DMKN: variants seen among roughly 807,000 people sequenced by gnomAD.
DMKN encodes the protein dermokine.
DMKN carries 58 observed loss-of-function variants against 67.6 expected under a neutral mutation model. The observed-to-expected ratio is 0.86, with a 90% confidence interval of 0.69 to 1.07. DMKN has a LOEUF of 1.07. DMKN is among the 50% of genes least tolerant of loss of function. DMKN has a pLI of 0.00. For missense variants in DMKN, 596 were observed against 601.5 expected (o/e 0.99, Z 0.10); for synonymous variants, 240 against 232.3 (o/e 1.03, Z -0.30).
intron 8 of DMKN, 41 bp from the exon 9 acceptor site, chr19:35,505,806 T>C (rs1181018462): frequency 1.9e-6 from 3 of 1,613,924 alleles, no homozygotes; most frequent in African/African-American, 2.7e-5. Flanking sequence ...AATTGAGTCA[T>C]AAGGTAATTG....
intron 9 of DMKN, chr19:35,503,201 G>C: frequency 7.0e-7 from 1 of 1,419,448 alleles, no homozygotes; most frequent in Non-Finnish European, 9.3e-7. Context: ...TCCACCTGCC[G>C]GGCCTCCTCC....
At chr19:35,512,876 G>A (rs923561560) in intron 1 of DMKN, 86 bp from the exon 2 acceptor site, 14 of 1,532,292 alleles carry the variant, frequency 9.1e-6, no homozygotes, top group Admixed American at 2.0e-5. Context: ...GAGACCAGGA[G>A]AGAGACAGGC....
At chr19:35,503,002 A>G in intron 9 of DMKN, 116 bp from the exon 10 acceptor site, 1 of 1,228,104 alleles carries the variant, frequency 8.1e-7, no homozygotes, top group Middle Eastern at 2.0e-4. Flanking sequence ...AAGGTTGGGG[A>G]TGGGAGGAGC....
rs2071129977 is a variant in DMKN, at chr19:35,513,567, GTCC to G, written c.-95_-93del. The G allele has an allele frequency of 6.9e-7, 1 of 1,451,826 alleles. No homozygotes were observed. Among genetic ancestry groups the G allele is most frequent in the South Asian group, 1.4e-5 (1 of 71,144 alleles). 89.9% of individuals were successfully genotyped at this position (1,451,826 alleles called of 1,614,324 possible). ...GCTCTGCGTCTCTGTGCCCTCCTCT[GTCC>G]TCCTCCTTCCGACTCCCTGTCCTCC... On this transcript the variant is annotated 5_prime_UTR_variant, in exon 1 of 16. Transcript: ENST00000339686.
chr19:35,509,839 G>C, intron 7 of DMKN, 72 bp downstream of exon 7: 1 of 1,567,630 alleles, frequency 6.4e-7, no homozygotes. Context: ...GCAGAGTTGA[G>C]TTAGGAGGAG....
chr19:35,506,553 T>C (rs1265555769), intron 7 of DMKN: 4 of 482,684 alleles, frequency 8.3e-6, no homozygotes, highest in South Asian at 1.5e-5. Flanking sequence ...CACAACACCT[T>C]GGTCTGGTGG....
intron 5 of DMKN, among the ~76,000 whole-genome samples, chr19:35,511,053 G>A (rs1417096796): frequency 6.6e-6 from 1 of 152,182 alleles, no homozygotes; most frequent in Non-Finnish European, 1.5e-5. Context: ...CCAGACAAGT[G>A]TCATATTCTC....
At chr19:35,498,324 G>A (rs76711718) in intron 15 of DMKN, 35,584 of 198,744 alleles carry the variant, frequency 0.18, 3,751 homozygotes, top group Non-Finnish European at 0.23. Flanking sequence ...TTTAGTAGAC[G>A]GGGTTTTGCC....
chr19:35,503,866 C>A (rs2068917044), intron 9 of DMKN, among the ~76,000 whole-genome samples: 1 of 149,854 alleles, frequency 6.7e-6, no homozygotes, highest in Non-Finnish European at 1.5e-5. Context: ...GCTCCAGAAA[C>A]CTACAGGGAC....
chr19:35,498,352 ATGGTTTGTTTTGTTT>A (rs560645344), intron 15 of DMKN: 94 of 225,622 alleles, frequency 4.2e-4, no homozygotes, highest in Admixed American at 1.4e-3. Flanking sequence ...CCAGGCTGGA[ATGGTTTGTTTTGTTT>A]TGGTTTGTTT....
intron 9 of DMKN, among the ~76,000 whole-genome samples, chr19:35,504,915 C>G (rs1413391590): frequency 1.3e-5 from 2 of 151,938 alleles, no homozygotes; most frequent in African/African-American, 4.8e-5. Flanking sequence ...CTAACCCCAC[C>G]CCATGGAAAT....
At chr19:35,508,814 A>G (rs2146134520) in intron 7 of DMKN, among the ~76,000 whole-genome samples, 1 of 152,366 alleles carries the variant, frequency 6.6e-6, no homozygotes, top group African/African-American at 2.4e-5. Context: ...AGGAGTATGC[A>G]TAGTGCTAGA....
At chr19:35,510,366 C>G (rs1345830997) in intron 5 of DMKN, 114 bp from the exon 6 acceptor site, 16 of 1,552,352 alleles carry the variant, frequency 1.0e-5, no homozygotes, top group Admixed American at 2.0e-5. Flanking sequence ...AGTCCTCTTT[C>G]CAACCTCCAG....
Position 35,513,444 on chromosome 19 carries a change from A to T in DMKN, c.32T>A (p.Leu11Gln), listed in dbSNP as rs1303642834. 1 of 1,601,282 alleles carries T rather than the reference A, an allele frequency of 6.2e-7. No individual in the cohort carries two copies. Among genetic ancestry groups the T allele is most frequent in the Non-Finnish European group, 8.5e-7 (1 of 1,179,798 alleles). Residue 11 changes from leucine (L) to glutamine (Q), a missense_variant, in exon 1 of 16, where the codon CTG becomes CAG. By Grantham distance (113) the Leu-to-Gln change is moderately radical. Transcript: ENST00000339686. The stretch of plus-strand genomic sequence containing the variant: ...CCCACTGCCCAGGCAGAGGGCCAGC[A>T]GGAGGCAGGCCAGGGGCCCCTGGAA... The part of the protein sequence containing the change: MKFQGPLACL[L>Q]LALCLGSGEA...
chr19:35,502,038 G>A, intron 11 of DMKN, 98 bp downstream of exon 11: 1 of 1,599,592 alleles, frequency 6.3e-7, no homozygotes, highest in South Asian at 1.1e-5. Context: ...GGGAAAGTGG[G>A]AAGGGAGGGG....
At chr19:35,504,414 TA>T in intron 9 of DMKN, among the ~76,000 whole-genome samples, 1 of 151,944 alleles carries the variant, frequency 6.6e-6, no homozygotes, top group East Asian at 1.9e-4. Flanking sequence ...CCATCTCTAC[TA>T]AAAATACAAA....
intron 8 of DMKN, 60 bp downstream of exon 8, chr19:35,505,879 G>T: frequency 6.2e-7 from 1 of 1,613,652 alleles, no homozygotes; most frequent in Non-Finnish European, 8.5e-7. Context: ...AGACTGTGGG[G>T]CCAAGGGCAG....
Position 35,510,169 on chromosome 19 carries a change from A to G in DMKN, c.987+15T>C. ...CCTTCCCGCGGTTGGTGGGAGATTC[A>G]CGCCAGCCACTCACCCCGGGTTTAT... On this transcript the variant is annotated intron_variant, in intron 6 of 15. Coordinates refer to ENST00000339686, the MANE Select transcript of DMKN (RefSeq NM_033317.5). 6.2e-7 allele frequency: 1 copy of G among 1,602,106 alleles called. No individual in the cohort carries two copies. Among genetic ancestry groups the G allele is most frequent in the South Asian group, 1.1e-5 (1 of 89,212 alleles).
chr19:35,513,060 T>C lies in DMKN; in HGVS notation c.416A>G (p.Asn139Ser), dbSNP rs7247001. ...RGSWQGVPGH[N>S]GAWETSGGHG... is the part of the protein sequence containing the mutation. The stretch of plus-strand genomic sequence containing the variant: ...CCCACAGCCACTCACCCAAGCACCA[T>C]TGTGGCCAGGCACCCCCTGCCAGGA... Residue 139 changes from asparagine to serine, a missense_variant, in exon 1 of 16, where the codon AAT (asparagine) becomes AGT (serine). Physicochemically the swap from Asn to Ser is conservative, Grantham distance 46 (BLOSUM62 1). Coordinates refer to ENST00000339686, the MANE Select transcript of DMKN (RefSeq NM_033317.5). 125,592 of 1,613,512 alleles carry C rather than the reference T, an allele frequency of 0.078. 6,085 individuals carry two copies. Among genetic ancestry groups the C allele is most frequent in the African/African-American group, 0.21 (15,739 of 74,952 alleles).
Sources: gnomAD v4.1 joint callset for allele counts (sites outside exome capture counted in the v4.1 genomes callset) on GRCh38, gnomAD v4.1.1 for gene constraint, MANE v1.5 for transcripts, NCBI Gene and HGNC (gene_info 2026-07-23, HGNC 2026-07-21) for gene names.